The following PCNX2 variants were observed in gnomAD, a reference collection of about 807,000 sequenced individuals.
PCNX2 encodes pecanex-like protein 2.
Under a neutral mutation model 223.8 loss-of-function variants are expected in PCNX2, and 168 were observed. The ratio of observed to expected loss-of-function variants is 0.75; its 90% CI spans 0.66 to 0.85. The LOEUF is 0.85. Ranked by LOEUF, PCNX2 falls within the 40% of genes least tolerant of loss-of-function variation. The pLI, the probability that PCNX2 is intolerant of heterozygous loss-of-function variation, is 0.00. For synonymous variants in PCNX2, 1,006 were observed against 1,052.6 expected, an observed-to-expected ratio of 0.96 and a Z score of 0.86; for missense variants, 2,507 against 2,675.5, an observed-to-expected ratio of 0.94 and a Z score of 1.39.
chr1:233,006,586 G>T (rs555944399), intron 28 of PCNX2, among the ~76,000 whole-genome samples: 1 of 152,010 alleles, frequency 6.6e-6, no homozygotes, highest in Non-Finnish European at 1.5e-5. Context: ...TCCAAGTATT[G>T]GACAATGGGG....
chr1:233,063,552 ATACTT>A (rs141497938), intron 23 of PCNX2, among the ~76,000 whole-genome samples: 2,877 of 152,252 alleles, frequency 0.019, 90 homozygotes, highest in African/African-American at 0.064. Context: ...TTGCTTCTGA[ATACTT>A]TAAAGATCTT....
chr1:232,996,197 G>C (rs544789558), intron 32 of PCNX2, among the ~76,000 whole-genome samples: 2 of 152,050 alleles, frequency 1.3e-5, no homozygotes, highest in African/African-American at 4.8e-5. Flanking sequence ...AAGAAACCAG[G>C]TCTGAAGCAC....
chr1:233,208,243 G>T lies in PCNX2; in HGVS notation c.2863+275C>A, dbSNP rs1681599986. Reference sequence around the variant, plus strand: ...CGAAGTGCTAGGATTACAGGTGTGAGCCACCGTGCCCAGCCCGGATGGGCA... The same window carrying T: ...CGAAGTGCTAGGATTACAGGTGTGATCCACCGTGCCCAGCCCGGATGGGCA... On this transcript the variant is annotated intron_variant, in intron 13 of 33. Transcript: ENST00000258229. Among the ~76,000 whole-genome samples, 6 of 152,282 alleles carry T rather than the reference G, an allele frequency of 3.9e-5. No homozygotes were observed. The South Asian group carries it at 1.2e-3, about 32-fold the overall frequency.
chr1:232,999,298 C>G lies in PCNX2; in HGVS notation c.5410G>C (p.Gly1804Arg). ...ACCTGCTTATTGTTCTGGATACTGC[C>G]GCGCTCCGGATTGCGGTTGCGAAGA... ...IFLRNRNPERGSIQNNKQVLR... is the reference protein window; with the variant it reads ...IFLRNRNPERRSIQNNKQVLR... The change falls in exon 31 of 34, where the codon GGC becomes CGC. Residue 1804 changes from glycine (G) to arginine (R), a missense_variant. Gly to Arg is a moderately radical substitution (Grantham distance 125). Coordinates refer to ENST00000258229, the MANE Select transcript of PCNX2 (RefSeq NM_014801.4). 6.2e-7 allele frequency: 1 copy of G among 1,610,708 alleles called. No homozygotes were observed. The highest frequency in any genetic ancestry group is 8.5e-7 in the Non-Finnish European group (1 of 1,178,396).
intron 32 of PCNX2, among the ~76,000 whole-genome samples, chr1:232,994,886 TC>T (rs1038443310): frequency 1.8e-4 from 27 of 152,008 alleles, no homozygotes; most frequent in Non-Finnish European, 2.9e-4. Flanking sequence ...TTTCTTGAGG[TC>T]CCCCCAGCCA....
chr1:233,241,043 G>A (rs374838471), intron 8 of PCNX2: 50 of 503,168 alleles, frequency 9.9e-5, no homozygotes, highest in African/African-American at 7.5e-4. Flanking sequence ...GGCACAAGGC[G>A]CATAGAGGGA....
intron 25 of PCNX2, among the ~76,000 whole-genome samples, chr1:233,030,270 T>G (rs1471787793): frequency 4.6e-5 from 7 of 152,176 alleles, no homozygotes; most frequent in African/African-American, 1.7e-4. Context: ...ATTTTAAGTT[T>G]TTGGTGTACT....
intron 24 of PCNX2, among the ~76,000 whole-genome samples, chr1:233,056,724 G>A (rs540426931): frequency 6.6e-6 from 1 of 152,306 alleles, no homozygotes; most frequent in East Asian, 1.9e-4. Context: ...ATTCTAATAT[G>A]AGGAAAGAAG....
chr1:233,007,441 A>C (rs974010454), intron 28 of PCNX2, among the ~76,000 whole-genome samples: 1 of 152,212 alleles, frequency 6.6e-6, no homozygotes, highest in African/African-American at 2.4e-5. Flanking sequence ...CACACTGAAG[A>C]AGCACAGGAG....
At chr1:233,160,573 T>C (rs1571993727) in intron 18 of PCNX2, 140 bp from the exon 19 acceptor site, 1 of 961,662 alleles carries the variant, frequency 1.0e-6, no homozygotes, top group Admixed American at 2.7e-5. Context: ...TTCAGGCCTC[T>C]GAAAATGTCT....
At chr1:233,132,013 T>G (rs1676533596) in intron 21 of PCNX2, among the ~76,000 whole-genome samples, 1 of 151,878 alleles carries the variant, frequency 6.6e-6, no homozygotes, top group Non-Finnish European at 1.5e-5. Context: ...TTCAGCTCAC[T>G]GCAACCTCTT....
chr1:233,176,209 G>A (rs1229709144), intron 17 of PCNX2, among the ~76,000 whole-genome samples: 3 of 152,194 alleles, frequency 2.0e-5, no homozygotes, highest in Non-Finnish European at 4.4e-5. Flanking sequence ...GTGTTTCAAA[G>A]TATGAATGTT....
intron 7 of PCNX2, among the ~76,000 whole-genome samples, chr1:233,251,380 G>T (rs1659441774): frequency 6.6e-6 from 1 of 152,314 alleles, no homozygotes; most frequent in African/African-American, 2.4e-5. Flanking sequence ...GAATTAATTT[G>T]CAGAGCTCAA....
rs111294349 is a variant in PCNX2 at position 233,148,224 on chromosome 1, TC to T, written c.3518-8370del. 5.4e-3 allele frequency among the ~76,000 whole-genome samples: 817 copies of T among 152,234 alleles called. 10 individuals are homozygous for T. Among genetic ancestry groups the T allele is most frequent in the African/African-American group, 0.018 (740 of 41,552 alleles). ...ATAAAACATTTCAGGTAAAGATTCA[TC>T]CCAAGGCACGGTTTTCCTGGTGGGT... is the stretch of plus-strand genomic sequence containing the variant. On this transcript the variant is annotated intron_variant, in intron 19 of 33. Transcript: ENST00000258229.
At chr1:233,125,459 A>G (rs1676042334) in intron 21 of PCNX2, among the ~76,000 whole-genome samples, 1 of 152,154 alleles carries the variant, frequency 6.6e-6, no homozygotes, top group Non-Finnish European at 1.5e-5. Context: ...AAACACTCAC[A>G]TGCACCAGTA....
rs143662659 is a variant in PCNX2, at chr1:233,205,728, C to T, written c.2863+2790G>A. Among the ~76,000 whole-genome samples, 1,354 of 152,042 alleles carry T rather than the reference C, an allele frequency of 8.9e-3. 22 individuals carry two copies. The highest frequency in any genetic ancestry group is 0.031 in the African/African-American group (1,274 of 41,478). ...AAAAAACAAAACAAAACAAAAAACA[C>T]GGACTTTAATGTTCATTGGTTCATC... On this transcript the variant is annotated intron_variant, in intron 13 of 33. Transcript: ENST00000258229.
chr1:233,017,968 A>G (rs1340569918), intron 26 of PCNX2, among the ~76,000 whole-genome samples: 2 of 152,196 alleles, frequency 1.3e-5, no homozygotes, highest in Non-Finnish European at 2.9e-5. Context: ...CTGCCTCCAG[A>G]GACCTAGCCA....
chr1:232,984,141 ACCT>A lies in PCNX2; in HGVS notation c.*160_*162del. The A allele has an allele frequency of 1.2e-5, 3 of 257,202 alleles. No individual in the cohort carries two copies. Among genetic ancestry groups the A allele is most frequent in the East Asian group, 6.1e-5 (1 of 16,446 alleles). The allele number at this position is 257,202 out of a possible 1,614,324, so 15.9% of individuals were successfully genotyped here. On this transcript the variant is annotated 3_prime_UTR_variant, in exon 34 of 34. Transcript: ENST00000258229. Reference sequence around the variant, plus strand: ...TTTTTTTTTTTTTTTTTTTTCAAAAACCTGAGATCAGTTCTGTGTTCTGGAACA... The same window carrying A: ...TTTTTTTTTTTTTTTTTTTTCAAAAAGAGATCAGTTCTGTGTTCTGGAACA...
rs758012816 is a variant in PCNX2 at position 232,984,519 on chromosome 1, G to A, written c.6241-42C>T. On this transcript the variant is annotated intron_variant, in intron 33 of 33. Coordinates refer to ENST00000258229, the MANE Select transcript of PCNX2 (RefSeq NM_014801.4). Reference sequence around the variant, plus strand: ...AGAAACAGTGAACAGCTCAGCAAACGTTCACTACCCACTTCTAACTGGCAT... The same window carrying A: ...AGAAACAGTGAACAGCTCAGCAAACATTCACTACCCACTTCTAACTGGCAT... The A allele has an allele frequency of 4.9e-5, 77 of 1,587,046 alleles. No homozygotes were observed. In the East Asian group the frequency reaches 1.1e-3, roughly 23 times the overall value.
Sources: gnomAD v4.1 joint callset for allele counts (sites outside exome capture counted in the v4.1 genomes callset) on GRCh38, gnomAD v4.1.1 for gene constraint, MANE v1.5 for transcripts, NCBI Gene and HGNC (gene_info 2026-07-23, HGNC 2026-07-21) for gene names.